The following SPATA17 variants were observed in gnomAD, a reference collection of about 807,000 sequenced individuals.
The protein encoded by SPATA17 is spermatogenesis-associated protein 17.
A neutral mutation model predicts 62.2 loss-of-function variants in SPATA17; 53 were observed. The observed-to-expected ratio is 0.85, with a 90% CI of 0.68 to 1.07. SPATA17 has a LOEUF of 1.07. Among genes scored for constraint, SPATA17 ranks in the 50% least tolerant of loss-of-function variants. The pLI, the probability that SPATA17 is intolerant of heterozygous loss-of-function variation, is 0.00. For synonymous variants in SPATA17, 146 were observed against 146.8 expected (o/e 0.99, Z 0.04); for missense variants, 466 against 425.5 (o/e 1.10, Z -0.84).
At chr1:217,661,812 C>T (rs977992746) in intron 3 of SPATA17, among the ~76,000 whole-genome samples, 2 of 152,094 alleles carry the variant, frequency 1.3e-5, no homozygotes, top group South Asian at 2.1e-4. Context: ...AGTGCACATG[C>T]ATTTTATGCA....
At chr1:217,727,841 C>G (rs975367569) in intron 5 of SPATA17, among the ~76,000 whole-genome samples, 12 of 152,144 alleles carry the variant, frequency 7.9e-5, no homozygotes, top group Non-Finnish European at 1.8e-4. Context: ...GTTTCGTATC[C>G]TTAGTCAAGT....
At chr1:217,635,328 T>C (rs995686571) in intron 1 of SPATA17, among the ~76,000 whole-genome samples, 11 of 152,224 alleles carry the variant, frequency 7.2e-5, no homozygotes, top group African/African-American at 2.7e-4. Context: ...ATATGTATTA[T>C]GGAGACATAA....
At chr1:217,761,246 G>T (rs1391675925) in intron 6 of SPATA17, among the ~76,000 whole-genome samples, 1 of 152,074 alleles carries the variant, frequency 6.6e-6, no homozygotes, top group African/African-American at 2.4e-5. Flanking sequence ...TTTCTTCTCA[G>T]TCTTCTTCAG....
intron 6 of SPATA17, among the ~76,000 whole-genome samples, chr1:217,773,893 A>T (rs1295634052): frequency 2.6e-5 from 4 of 152,166 alleles, no homozygotes; most frequent in Non-Finnish European, 5.9e-5. Flanking sequence ...CAAATATTTG[A>T]GTACATATTT....
rs1370509094 is a variant in SPATA17, at chr1:217,742,001, TGAAA to T, written c.429_432del (p.Arg144LysfsTer55). 6.2e-7 allele frequency: 1 copy of T among 1,613,528 alleles called. No individual in the cohort carries two copies. Among genetic ancestry groups the T allele is most frequent in the South Asian group, 1.1e-5 (1 of 91,054 alleles). ...AAGGCACTGGAGGAGTTTGCAGAAA[TGAAA>T]GAAAGAGAAGAGAAGAAGGCTAACC... On this transcript the variant is annotated frameshift_variant, in exon 6 of 11. Coordinates refer to ENST00000366933, the MANE Select transcript of SPATA17 (RefSeq NM_138796.4). LOFTEE classifies it high-confidence loss of function.
chr1:217,748,479 C>T (rs1428336596), intron 6 of SPATA17, among the ~76,000 whole-genome samples: 1 of 151,732 alleles, frequency 6.6e-6, no homozygotes, highest in Non-Finnish European at 1.5e-5. Flanking sequence ...TGCAGTGGCT[C>T]ACGCCTGTAA....
intron 6 of SPATA17, among the ~76,000 whole-genome samples, chr1:217,747,521 A>G (rs995216298): frequency 3.3e-5 from 5 of 152,196 alleles, no homozygotes; most frequent in African/African-American, 1.2e-4. Context: ...TACTTTGGAA[A>G]TATTGGTTAT....
intron 8 of SPATA17, among the ~76,000 whole-genome samples, chr1:217,793,031 A>T (rs1674037130): frequency 6.6e-6 from 1 of 152,222 alleles, no homozygotes; most frequent in African/African-American, 2.4e-5. Flanking sequence ...GGAAATATCC[A>T]TAGTGAACAT....
intron 9 of SPATA17, among the ~76,000 whole-genome samples, chr1:217,853,533 A>T (rs1675710629): frequency 6.6e-6 from 1 of 152,180 alleles, no homozygotes. Flanking sequence ...AGTTTATGCC[A>T]TAGTGAGTGT....
intron 9 of SPATA17, among the ~76,000 whole-genome samples, chr1:217,808,611 T>C (rs1674502942): frequency 6.6e-6 from 1 of 152,166 alleles, no homozygotes; most frequent in Non-Finnish European, 1.5e-5. Flanking sequence ...CCCAGCACTT[T>C]GGGAGGCCGA....
chr1:217,855,012 T>C (rs953236998), intron 9 of SPATA17, among the ~76,000 whole-genome samples: 20 of 152,324 alleles, frequency 1.3e-4, no homozygotes, highest in Admixed American at 1.1e-3. Flanking sequence ...TTACTCCCCT[T>C]CTTGAGCATT....
intron 8 of SPATA17, among the ~76,000 whole-genome samples, chr1:217,794,143 A>G (rs1410933175): frequency 6.6e-6 from 1 of 151,816 alleles, no homozygotes; most frequent in Non-Finnish European, 1.5e-5. Context: ...AAAGAAAGAA[A>G]AAGAAAGAAA....
chr1:217,841,212 A>G (rs976663088), intron 9 of SPATA17, among the ~76,000 whole-genome samples: 19 of 152,180 alleles, frequency 1.2e-4, no homozygotes, highest in East Asian at 3.9e-4. Context: ...AGTTACTTAC[A>G]TTTATTTTTT....
intron 7 of SPATA17, among the ~76,000 whole-genome samples, chr1:217,780,305 C>A (rs2102975672): frequency 6.7e-6 from 1 of 149,538 alleles, no homozygotes; most frequent in East Asian, 1.9e-4. Flanking sequence ...GACTATTGAG[C>A]TCAAAGACAA....
In SPATA17 at chr1:217,851,270, C is replaced by CA. The variant is rs553527604; in HGVS notation, c.1006-11496dup. On this transcript the variant is annotated intron_variant, in intron 9 of 10. Coordinates refer to ENST00000366933, the MANE Select transcript of SPATA17 (RefSeq NM_138796.4). The stretch of plus-strand genomic sequence containing the variant: ...CAGTTATTGATATATCCTATAATTA[C>CA]AAAAAAAAGTTTCCTGTGAGAATTC... Among the ~76,000 whole-genome samples the CA allele has an allele frequency of 2.1e-3, 325 of 151,462 alleles. 2 individuals carry two copies. Among genetic ancestry groups the CA allele is most frequent in the African/African-American group, 7.3e-3 (302 of 41,334 alleles).
rs147945101 is a variant in SPATA17 at position 217,825,086 on chromosome 1, A to G, written c.1005+23236A>G. Among the ~76,000 whole-genome samples the G allele has an allele frequency of 3.3e-4, 50 of 151,176 alleles. No homozygotes were observed. In the East Asian group the frequency reaches 9.0e-3, roughly 27 times the overall value. On this transcript the variant is annotated intron_variant, in intron 9 of 10. Coordinates refer to ENST00000366933, the MANE Select transcript of SPATA17 (RefSeq NM_138796.4). ...TATGAATACATATATTCATATAAAT[A>G]CAAATACATTAAAAATTCCTAAAAT... is the stretch of plus-strand genomic sequence containing the variant.
intron 6 of SPATA17, among the ~76,000 whole-genome samples, chr1:217,750,412 G>A (rs1672878194): frequency 6.6e-6 from 1 of 152,108 alleles, no homozygotes; most frequent in South Asian, 2.1e-4. Context: ...AATGTCTGGG[G>A]AGGAAAGTAG....
chr1:217,740,139 A>G (rs1672594220), intron 5 of SPATA17, among the ~76,000 whole-genome samples: 1 of 118,960 alleles, frequency 8.4e-6, no homozygotes, highest in African/African-American at 2.6e-5. Flanking sequence ...ACCCGTTCAT[A>G]TATGTTTTCA....
intron 4 of SPATA17, among the ~76,000 whole-genome samples, chr1:217,682,395 A>G (rs540930661): frequency 1.3e-5 from 2 of 151,382 alleles, no homozygotes; most frequent in African/African-American, 4.8e-5. Context: ...CTTTGATGAT[A>G]TGTTCTAGTA....
Sources: allele counts gnomAD v4.1 joint callset (sites outside exome capture counted in the v4.1 genomes callset), GRCh38; gene constraint gnomAD v4.1.1; transcripts MANE v1.5; gene names NCBI Gene and HGNC (gene_info 2026-07-23, HGNC 2026-07-21).